Variants in IPO8 observed in about 807,000 individuals in gnomAD.
IPO8 encodes the protein importin 8, also known as importin-8.
IPO8 carries 65 observed loss-of-function variants against 141.2 expected under a neutral mutation model. That is an observed-to-expected ratio of 0.46 (90% CI 0.38 to 0.57). The LOEUF is 0.57. IPO8 is among the 20% of genes least tolerant of loss of function. The probability of loss-of-function intolerance (pLI) is 0.00; values close to 1 mark genes in which losing one functional copy is unlikely to be tolerated. For missense variants in IPO8, 980 were observed against 1,246.8 expected (o/e 0.79, Z 3.22); for synonymous variants, 411 against 420.3 (o/e 0.98, Z 0.27).
At chr12:30,685,327 C>T (rs2053229052) in intron 2 of IPO8, among the ~76,000 whole-genome samples, 1 of 151,596 alleles carries the variant, frequency 6.6e-6, no homozygotes, top group Non-Finnish European at 1.5e-5. Flanking sequence ...TTTAGTTAGA[C>T]AAGATTTCAC....
intron 5 of IPO8, among the ~76,000 whole-genome samples, chr12:30,679,869 A>C (rs2053166541): frequency 2.6e-5 from 4 of 152,142 alleles, no homozygotes; most frequent in Non-Finnish European, 5.9e-5. Flanking sequence ...GACCTAAATA[A>C]TTTACCCAAA....
At chr12:30,655,188 A>G (rs947082417) in intron 17 of IPO8, among the ~76,000 whole-genome samples, 1 of 152,184 alleles carries the variant, frequency 6.6e-6, no homozygotes, top group Admixed American at 6.5e-5. Context: ...TGACAAATGT[A>G]TAGTGACGTA....
chr12:30,668,865 A>G (rs1168675106), intron 10 of IPO8, among the ~76,000 whole-genome samples: 5 of 152,176 alleles, frequency 3.3e-5, no homozygotes, highest in Non-Finnish European at 7.3e-5. Flanking sequence ...GAACAACCCA[A>G]TCTATAAATG....
rs374977288 is a variant in IPO8, at chr12:30,632,689, T to C, written c.2900-678A>G. On this transcript the variant is annotated intron_variant, in intron 23 of 24. Transcript: ENST00000256079. ...CCAGGTCTCTATACATCTAAATTAA[T>C]AAAGTGAACCTCTAACACTTGGCTC... Among the ~76,000 whole-genome samples, 5 of 152,306 alleles carry C rather than the reference T, an allele frequency of 3.3e-5. 1 individual carries two copies. Among genetic ancestry groups the C allele is most frequent in the African/African-American group, 1.2e-4 (5 of 41,578 alleles).
chr12:30,665,150 C>T, intron 13 of IPO8, 70 bp downstream of exon 13: 2 of 939,532 alleles, frequency 2.1e-6, no homozygotes, highest in Non-Finnish European at 3.3e-6. Context: ...TCAATTTATC[C>T]AAAAAACATT....
chr12:30,674,105 C>A (rs569513907), intron 7 of IPO8, 31 bp from the exon 8 acceptor site: 2 of 1,348,636 alleles, frequency 1.5e-6, no homozygotes, highest in African/African-American at 2.9e-5. Flanking sequence ...TGTACAAATA[C>A]CGTGAATTTT....
chr12:30,640,332 T>C (rs933377772), intron 20 of IPO8, among the ~76,000 whole-genome samples: 7 of 152,180 alleles, frequency 4.6e-5, no homozygotes, highest in African/African-American at 1.7e-4. Context: ...ATGATTTCTA[T>C]AAAATAAAAT....
intron 9 of IPO8, among the ~76,000 whole-genome samples, chr12:30,669,532 C>G (rs879716563): frequency 6.6e-6 from 1 of 152,108 alleles, no homozygotes; most frequent in Non-Finnish European, 1.5e-5. Context: ...TGACTCATGT[C>G]TGTAATCCTA....
rs1037795245 is a variant in IPO8, at chr12:30,676,524, T to A, written c.703A>T (p.Thr235Ser). 14 of 1,613,304 alleles carry A rather than the reference T, an allele frequency of 8.7e-6. No individual in the cohort carries two copies. The Admixed American group carries it at 1.2e-4, about 13-fold the overall frequency. Residue 235 changes from threonine to serine, a missense_variant, in exon 6 of 25, where the codon ACT becomes TCT. Around this residue, in one of 3 missense-constraint regions of IPO8, gnomAD observed 924 missense variants for 1,153.9 expected, o/e 0.80. Coordinates refer to ENST00000256079, the MANE Select transcript of IPO8 (RefSeq NM_006390.4). Reference protein sequence around the residue: ...TMTTWMEIFRTIIDRTVPPET... With the variant: ...TMTTWMEIFRSIIDRTVPPET... ...GGAGGAACGGTCCTGTCGATAATAG[T>A]TCGGAAGATCTCCATCCATGTTGTC...
chr12:30,681,672 C>A lies in IPO8; in HGVS notation c.469G>T (p.Val157Leu), dbSNP rs756742252. 6.2e-7 allele frequency: 1 copy of A among 1,612,792 alleles called. No individual in the cohort carries two copies. The highest frequency in any genetic ancestry group is 8.5e-7 in the Non-Finnish European group (1 of 1,179,364). ...LGSLLCLYQL[V>L]KTYEYKKAEE... ...AAACCAACTTACTCATATGTCTTCA[C>A]CAGTTGATACAGGCATAATAAACTG... Residue 157 changes from valine to leucine, a missense_variant, in exon 4 of 25, where the codon GTG becomes TTG. This residue lies in a region of IPO8 where 924 missense variants were observed against 1,153.9 expected (regional missense o/e 0.80). Transcript: ENST00000256079.
chr12:30,647,478 A>G (rs1303539717), intron 20 of IPO8, among the ~76,000 whole-genome samples: 1 of 151,862 alleles, frequency 6.6e-6, no homozygotes, highest in South Asian at 2.1e-4. Context: ...AGCCAGGTGT[A>G]GTAGCACGTG....
chr12:30,665,771 T>A lies in IPO8; in HGVS notation c.1296A>T (p.Gly432=). 3 of 1,613,582 alleles carry A rather than the reference T, an allele frequency of 1.9e-6. No individual in the cohort carries two copies. Among genetic ancestry groups the A allele is most frequent in the Non-Finnish European group, 2.5e-6 (3 of 1,179,642 alleles). ...CTAGGGAACCAATCACATGCAGGGC[T>A]CCATCTTTCTTCCTAGGGTCAAAGT... ...DPNFDPRKKD[G]ALHVIGSLAE... is the part of the protein sequence containing the mutation. Residue 432 remains glycine, a synonymous_variant, in exon 12 of 25, where the codon GGA becomes GGT. Coordinates refer to ENST00000256079, the MANE Select transcript of IPO8 (RefSeq NM_006390.4).
intron 16 of IPO8, among the ~76,000 whole-genome samples, chr12:30,658,809 TAATGAA>T (rs920908632): frequency 6.8e-6 from 1 of 146,398 alleles, no homozygotes; most frequent in African/African-American, 2.5e-5. Context: ...AAAAATAAAA[TAATGAA>T]AATGAAAATA....
intron 15 of IPO8, 116 bp downstream of exon 15, chr12:30,662,211 G>A: frequency 1.3e-6 from 1 of 763,830 alleles, no homozygotes. Flanking sequence ...GTCATTGACT[G>A]AAATGTTGTT....
In IPO8 at chr12:30,665,127, A is replaced by ATTCCCATAT. The variant is rs2052944263; in HGVS notation, c.1428+92_1428+93insATATGGGAA. The ATTCCCATAT allele has an allele frequency of 7.0e-6, 5 of 712,668 alleles. No homozygotes were observed. The South Asian group carries it at 9.1e-5, about 13-fold the overall frequency. The allele number at this position is 712,668 out of a possible 1,614,324, so 44.1% of individuals were successfully genotyped here. A position where few individuals can be genotyped will look rare whatever the true frequency, so the allele number is the denominator to read the frequency against. On this transcript the variant is annotated intron_variant, in intron 13 of 24. Coordinates refer to ENST00000256079, the MANE Select transcript of IPO8 (RefSeq NM_006390.4). ...CTAATTGACTCTATTTCATCTCAAT[A>ATTCCCATAT]TGTGGCAAAAGGTCAATTTATCCAA... is the stretch of plus-strand genomic sequence containing the variant.
At chr12:30,642,082 G>C (rs1236859924) in intron 20 of IPO8, among the ~76,000 whole-genome samples, 1 of 152,066 alleles carries the variant, frequency 6.6e-6, no homozygotes, top group African/African-American at 2.4e-5. Flanking sequence ...TGTAATCCCA[G>C]CTACTCGGGA....
At chr12:30,675,610 G>A (rs374391935) in intron 6 of IPO8, among the ~76,000 whole-genome samples, 1 of 151,354 alleles carries the variant, frequency 6.6e-6, no homozygotes, top group Non-Finnish European at 1.5e-5. Flanking sequence ...GGTGGATCAC[G>A]AGGTCAGGAG....
chr12:30,656,816 C>A, intron 16 of IPO8, 66 bp from the exon 17 acceptor site: 3 of 751,540 alleles, frequency 4.0e-6, no homozygotes, highest in Non-Finnish European at 4.1e-6. Flanking sequence ...TAATATTGTG[C>A]CAATAAAAAT....
At chr12:30,646,834 G>GA (rs1241383614) in intron 20 of IPO8, among the ~76,000 whole-genome samples, 2 of 152,040 alleles carry the variant, frequency 1.3e-5, no homozygotes, top group Non-Finnish European at 2.9e-5. Context: ...CTAAATAAAA[G>GA]AAAGTCACCC....
Sources: allele counts gnomAD v4.1 joint callset (sites outside exome capture counted in the v4.1 genomes callset), GRCh38; gene constraint gnomAD v4.1.1; regional missense constraint gnomAD v4.1.1; transcripts MANE v1.5; gene names NCBI Gene and HGNC (gene_info 2026-07-23, HGNC 2026-07-21).